PDE8B: variants seen among roughly 807,000 people sequenced by gnomAD.
PDE8B encodes the protein high affinity cAMP-specific and IBMX-insensitive 3',5'-cyclic phosphodiesterase 8B.
PDE8B carries 26 observed loss-of-function variants against 101.3 expected under a neutral mutation model. The observed-to-expected ratio is 0.26, with a 90% confidence interval of 0.19 to 0.36. PDE8B has a LOEUF of 0.36. Ranked by LOEUF, PDE8B falls within the 10% of genes least tolerant of loss-of-function variation. PDE8B has a pLI of 1.00. For synonymous variants in PDE8B, 424 were observed against 429.3 expected, an observed-to-expected ratio of 0.99 and a Z score of 0.15; for missense variants, 810 against 1,163.1, an observed-to-expected ratio of 0.70 and a Z score of 4.42.
the PDE8B span, among the ~76,000 whole-genome samples, chr5:77,127,928 T>C: frequency 5.9e-5 from 9 of 152,222 alleles, 1 homozygote; most frequent in East Asian, 9.6e-4. Context: ...GTCTCCTCTA[T>C]GACTTTGTCA....
At chr5:77,300,253 A>G (rs1769611867) in intron 1 of PDE8B, among the ~76,000 whole-genome samples, 1 of 152,250 alleles carries the variant, frequency 6.6e-6, no homozygotes, top group African/African-American at 2.4e-5. Context: ...TTCTGTAGCC[A>G]AGAGAAGAGG....
the PDE8B span, among the ~76,000 whole-genome samples, chr5:77,155,757 C>T: frequency 9.2e-5 from 14 of 152,096 alleles, no homozygotes; most frequent in African/African-American, 2.4e-4. Context: ...TAAATCAGAA[C>T]GAAGAGTTGA....
chr5:77,415,681 T>A (rs999084587), intron 17 of PDE8B, among the ~76,000 whole-genome samples: 11 of 152,130 alleles, frequency 7.2e-5, no homozygotes, highest in African/African-American at 1.9e-4. Flanking sequence ...TTAATGTCAC[T>A]ATGACAAAGC....
At chr5:77,347,457 A>G (rs1780341206) in intron 7 of PDE8B, among the ~76,000 whole-genome samples, 1 of 152,206 alleles carries the variant, frequency 6.6e-6, no homozygotes, top group South Asian at 2.1e-4. Flanking sequence ...ACAACTTAAT[A>G]GGGAAGGCAG....
intron 1 of PDE8B, among the ~76,000 whole-genome samples, chr5:77,253,117 G>A (rs574314256): frequency 1.3e-5 from 2 of 152,254 alleles, no homozygotes; most frequent in South Asian, 2.1e-4. Flanking sequence ...GTAAACATCT[G>A]TTTTTAGGGT....
chr5:77,135,212 TTC>T, the PDE8B span, among the ~76,000 whole-genome samples: 1 of 152,214 alleles, frequency 6.6e-6, no homozygotes, highest in Non-Finnish European at 1.5e-5. Flanking sequence ...AGGCAGGACT[TTC>T]TTTCCTCTCT....
At chr5:77,242,817 C>T (rs1041171895) in intron 1 of PDE8B, among the ~76,000 whole-genome samples, 1 of 152,100 alleles carries the variant, frequency 6.6e-6, no homozygotes, top group African/African-American at 2.4e-5. Context: ...CAGGCACCCA[C>T]GACCTCGCCT....
intron 1 of PDE8B, among the ~76,000 whole-genome samples, chr5:77,292,348 A>G (rs1385231317): frequency 6.6e-6 from 1 of 152,212 alleles, no homozygotes; most frequent in Middle Eastern, 3.2e-3. Context: ...CATGGCAGAC[A>G]TATAAACAGA....
At chr5:77,412,324 T>C (rs1794724157) in intron 16 of PDE8B, 89 bp downstream of exon 16, 15 of 1,401,952 alleles carry the variant, frequency 1.1e-5, no homozygotes, top group Non-Finnish European at 1.5e-5. Flanking sequence ...GACATGTTTT[T>C]GCTGTGAGAG....
chr5:77,135,003 G>C, the PDE8B span, among the ~76,000 whole-genome samples: 2 of 152,170 alleles, frequency 1.3e-5, no homozygotes, highest in Non-Finnish European at 2.9e-5. Flanking sequence ...CTGAGTGACA[G>C]CTACGTAGAG....
At chr5:77,257,561 C>A (rs1030565378) in intron 1 of PDE8B, among the ~76,000 whole-genome samples, 1 of 152,028 alleles carries the variant, frequency 6.6e-6, no homozygotes, top group Admixed American at 6.6e-5. Flanking sequence ...AATAATAGGG[C>A]TTCAAAATAT....
chr5:77,110,773 C>T, the PDE8B span, among the ~76,000 whole-genome samples: 5 of 152,184 alleles, frequency 3.3e-5, no homozygotes, highest in Admixed American at 6.5e-5. Context: ...GAGAGACTAC[C>T]GCATGGCCTC....
the PDE8B span, chr5:77,087,014 G>A: frequency 6.6e-6 from 1 of 152,252 alleles, no homozygotes; most frequent in Non-Finnish European, 1.5e-5. Flanking sequence ...GCGGGTGCCA[G>A]GGAGGCCGGC....
chr5:77,098,287 T>G, the PDE8B span, among the ~76,000 whole-genome samples: 1 of 143,772 alleles, frequency 7.0e-6, no homozygotes, highest in African/African-American at 2.6e-5. Flanking sequence ...TTCCTCTTTT[T>G]TTTTTTAAAA....
the PDE8B span, among the ~76,000 whole-genome samples, chr5:77,168,707 C>A: frequency 6.6e-6 from 1 of 152,196 alleles, no homozygotes; most frequent in Non-Finnish European, 1.5e-5. Context: ...TCCTCTGCTG[C>A]CAGACCAGTG....
the PDE8B span, among the ~76,000 whole-genome samples, chr5:77,182,262 G>A: frequency 2.8e-4 from 42 of 151,616 alleles, no homozygotes; most frequent in Non-Finnish European, 5.9e-4. Context: ...TCCAAAGAGC[G>A]TTTATGGACG....
At position 77,413,175 on chromosome 5, in the gene PDE8B, T is replaced by A. The variant is rs1414557230; in HGVS notation, c.1777T>A (p.Ser593Thr). ...RFGVCEFLNC[S>T]ETTLRAWFQV... The stretch of plus-strand genomic sequence containing the variant: ...TGGAGTATGTGAATTTTTAAACTGT[T>A]CTGAAACCACTCTTCGGGCCTGGTT... Residue 593 changes from serine (S) to threonine (T), a missense_variant, in exon 17 of 22, where the codon TCT (serine) becomes ACT (threonine). Around this residue, in one of 4 missense-constraint regions of PDE8B, gnomAD observed 325 missense variants for 560.9 expected, o/e 0.58. Coordinates refer to ENST00000264917, the MANE Select transcript of PDE8B (RefSeq NM_003719.5). The A allele has an allele frequency of 6.2e-7, 1 of 1,614,104 alleles. No homozygotes were observed. The highest frequency in any genetic ancestry group is 1.1e-5 in the South Asian group (1 of 91,080).
intron 1 of PDE8B, among the ~76,000 whole-genome samples, chr5:77,245,928 T>C (rs2149581478): frequency 7.2e-6 from 1 of 139,546 alleles, no homozygotes; most frequent in South Asian, 2.4e-4. Flanking sequence ...CACAGCTCAC[T>C]GTAGCCTTAC....
chr5:77,174,258 T>A, the PDE8B span, among the ~76,000 whole-genome samples: 1 of 152,200 alleles, frequency 6.6e-6, no homozygotes, highest in African/African-American at 2.4e-5. Context: ...CTCTCAGTGT[T>A]TGTTCTTGCC....
Sources: gnomAD v4.1 joint callset for allele counts (sites outside exome capture counted in the v4.1 genomes callset) on GRCh38, gnomAD v4.1.1 for gene constraint, gnomAD v4.1.1 regional missense constraint, MANE v1.5 for transcripts, NCBI Gene and HGNC (gene_info 2026-07-23, HGNC 2026-07-21) for gene names.